FOXJ3: variants seen among roughly 807,000 people sequenced by gnomAD.
FOXJ3 encodes forkhead box protein J3.
A neutral mutation model predicts 76.1 loss-of-function variants in FOXJ3; 22 were observed. That is an observed-to-expected ratio of 0.29 (90% CI 0.21 to 0.41). FOXJ3 has a LOEUF of 0.41. Among genes scored for constraint, FOXJ3 ranks in the 10% least tolerant of loss-of-function variants. The pLI, the probability that FOXJ3 is intolerant of heterozygous loss-of-function variation, is 1.00. For synonymous variants in FOXJ3, 269 were observed against 261.2 expected (o/e 1.03, Z -0.29); for missense variants, 613 against 762.1 (o/e 0.80, Z 2.30).
intron 4 of FOXJ3, among the ~76,000 whole-genome samples, chr1:42,247,248 A>G (rs1014552664): frequency 1.3e-5 from 2 of 152,200 alleles, no homozygotes; most frequent in African/African-American, 4.8e-5. Context: ...TACACATTCT[A>G]TGTATGTAAC....
intron 9 of FOXJ3, 98 bp from the exon 10 acceptor site, chr1:42,189,502 T>A: frequency 1.2e-6 from 1 of 816,404 alleles, no homozygotes. Context: ...AATTGGCTGA[T>A]TCTTGTCCCG....
intron 1 of FOXJ3, among the ~76,000 whole-genome samples, chr1:42,326,910 G>T (rs1463711656): frequency 6.6e-6 from 1 of 152,128 alleles, no homozygotes; most frequent in Non-Finnish European, 1.5e-5. Context: ...AGAATGCAGG[G>T]TCTGGGTTCC....
chr1:42,182,069 A>G, intron 11 of FOXJ3, 45 bp from the exon 12 acceptor site: 1 of 1,058,290 alleles, frequency 9.4e-7, no homozygotes, highest in Non-Finnish European at 1.4e-6. Context: ...GTTACCACAA[A>G]TAAAACAAAT....
chr1:42,249,495 G>A (rs1214477640), intron 4 of FOXJ3, among the ~76,000 whole-genome samples: 2 of 152,162 alleles, frequency 1.3e-5, no homozygotes, highest in African/African-American at 2.4e-5. Flanking sequence ...CCAACCTACT[G>A]ATCAAAAATC....
At chr1:42,249,164 T>G (rs1649812325) in intron 4 of FOXJ3, among the ~76,000 whole-genome samples, 1 of 152,210 alleles carries the variant, frequency 6.6e-6, no homozygotes, top group Admixed American at 6.5e-5. Flanking sequence ...TTGGGTTGAT[T>G]CCATGTCTTT....
rs1646365687 is a variant in FOXJ3 at position 42,183,319 on chromosome 1, AGG to A, written c.1646-1297_1646-1296del. 0.033 allele frequency among the ~76,000 whole-genome samples: 4 copies of A among 122 alleles called. No individual in the cohort carries two copies. The East Asian group carries it at 0.5, about 15-fold the overall frequency. The allele number at this position is 122 out of a possible 152,430, so 0.1% of individuals were successfully genotyped here. ...GGGGCGGGGCGGGGTGGGGGAGGGG[AGG>A]GGAGGGGAGGGGAGGGGAGGGGAGG... On this transcript the variant is annotated intron_variant, in intron 11 of 12. Transcript: ENST00000361346.
chr1:42,214,518 T>TTG (rs1343020936), intron 5 of FOXJ3, among the ~76,000 whole-genome samples: 1 of 152,200 alleles, frequency 6.6e-6, no homozygotes, highest in Non-Finnish European at 1.5e-5. Flanking sequence ...CACTTCCTGT[T>TTG]TGGCAGTGTG....
intron 2 of FOXJ3, among the ~76,000 whole-genome samples, chr1:42,282,503 A>G (rs1265712450): frequency 6.6e-6 from 1 of 152,188 alleles, no homozygotes. Flanking sequence ...GGCAACTGAC[A>G]TGTTGTTTCA....
At chr1:42,257,857 G>A (rs1570077596) in intron 4 of FOXJ3, among the ~76,000 whole-genome samples, 1 of 152,046 alleles carries the variant, frequency 6.6e-6, no homozygotes, top group Non-Finnish European at 1.5e-5. Flanking sequence ...CAAATAAAGT[G>A]CATTTTAACT....
chr1:42,248,534 CA>C (rs4019586), intron 4 of FOXJ3, among the ~76,000 whole-genome samples: 206 of 136,030 alleles, frequency 1.5e-3, no homozygotes, highest in African/African-American at 4.7e-3. Flanking sequence ...ACTGCGTCTC[CA>C]AAAAAAAAAA....
intron 7 of FOXJ3, among the ~76,000 whole-genome samples, chr1:42,198,296 C>G (rs1646692553): frequency 6.6e-6 from 1 of 152,072 alleles, no homozygotes; most frequent in Admixed American, 6.5e-5. Flanking sequence ...AACTTTTTCC[C>G]TACATTCAAT....
chr1:42,320,112 G>T (rs1655345230), intron 1 of FOXJ3, among the ~76,000 whole-genome samples: 1 of 152,088 alleles, frequency 6.6e-6, no homozygotes, highest in African/African-American at 2.4e-5. Flanking sequence ...AAAAAAATCA[G>T]CTTCAGCTTT....
At chr1:42,212,566 C>T (rs1333048781) in intron 5 of FOXJ3, among the ~76,000 whole-genome samples, 1 of 151,930 alleles carries the variant, frequency 6.6e-6, no homozygotes, top group African/African-American at 2.4e-5. Flanking sequence ...GAACAGTCTC[C>T]AAAATATATG....
intron 5 of FOXJ3, among the ~76,000 whole-genome samples, chr1:42,222,855 C>A (rs1291278313): frequency 6.6e-6 from 1 of 152,126 alleles, no homozygotes; most frequent in Non-Finnish European, 1.5e-5. Flanking sequence ...AGACACTTAA[C>A]CCTCATTTAT....
At position 42,194,792 on chromosome 1, in the gene FOXJ3, T is replaced by C. The variant is rs909540790; in HGVS notation, c.934+98A>G. Reference sequence around the variant, plus strand: ...TACCTGATTCTTATTGTGATGATAATATTCTAAGATTAAGAGTATAACAGC... The same window carrying C: ...TACCTGATTCTTATTGTGATGATAACATTCTAAGATTAAGAGTATAACAGC... On this transcript the variant is annotated intron_variant, in intron 8 of 12. Transcript: ENST00000361346. 4.1e-6 allele frequency: 3 copies of C among 739,052 alleles called. No homozygotes were observed. The African/African-American group carries it at 5.4e-5, about 13-fold the overall frequency. The allele number at this position is 739,052 out of a possible 1,614,324, so 45.8% of individuals were successfully genotyped here.
chr1:42,239,113 G>C (rs188663664), intron 4 of FOXJ3, among the ~76,000 whole-genome samples: 98 of 152,138 alleles, frequency 6.4e-4, no homozygotes, highest in African/African-American at 2.3e-3. Context: ...AATATATATT[G>C]ATCTTGTATC....
intron 5 of FOXJ3, among the ~76,000 whole-genome samples, chr1:42,218,578 A>G (rs556572552): frequency 1.3e-5 from 2 of 152,332 alleles, no homozygotes; most frequent in East Asian, 3.9e-4. Flanking sequence ...ATAAGATTTT[A>G]GGCAAAACTA....
intron 1 of FOXJ3, among the ~76,000 whole-genome samples, chr1:42,311,650 A>AAGTAGTGGTAGTAGT (rs1553169327): frequency 2.7e-5 from 4 of 149,414 alleles, no homozygotes; most frequent in African/African-American, 7.4e-5. Context: ...TTTAAAAAAA[A>AAGTAGTGGTAGTAGT]AGTAGTAGTA....
chr1:42,308,653 C>G (rs1195189263), intron 2 of FOXJ3, among the ~76,000 whole-genome samples: 1 of 152,142 alleles, frequency 6.6e-6, no homozygotes, highest in Admixed American at 6.6e-5. Context: ...ACTCAGATGT[C>G]ACAGGGCTTC....
Sources: gnomAD v4.1 joint callset for allele counts (sites outside exome capture counted in the v4.1 genomes callset) on GRCh38, gnomAD v4.1.1 for gene constraint, MANE v1.5 for transcripts, NCBI Gene and HGNC (gene_info 2026-07-23, HGNC 2026-07-21) for gene names.